The following TASOR2 variants were observed in gnomAD, a reference collection of about 807,000 sequenced individuals.
TASOR2 encodes the protein transcription activation suppressor family member 2, also known as protein TASOR 2.
A neutral mutation model predicts 199.5 loss-of-function variants in TASOR2; 84 were observed. The observed-to-expected ratio is 0.42, with a 90% CI of 0.35 to 0.50. The LOEUF is 0.50. TASOR2 is among the 20% of genes least tolerant of loss of function. The pLI is 0.02. For missense variants in TASOR2, 2,796 were observed against 2,835.9 expected (o/e 0.99, Z 0.32); for synonymous variants, 1,103 against 1,046.6 (o/e 1.05, Z -1.04).
Position 5,748,360 on chromosome 10 carries a change from A to G in TASOR2, c.4939A>G (p.Thr1647Ala), listed in dbSNP as rs762072639. The G allele has an allele frequency of 5.6e-6, 9 of 1,614,260 alleles. No homozygotes were observed. The highest frequency in any genetic ancestry group is 6.8e-6 in the Non-Finnish European group (8 of 1,180,044). ...TGCCTCGGTTGATGGAGCTTATTCT[A>G]CACAGGGATGCATGTGCTCAGTGGT... Residue 1647 changes from threonine (T) to alanine (A), a missense_variant, in exon 15 of 21, where the codon ACA (threonine) becomes GCA (alanine). Physicochemically the swap from Thr to Ala is moderately conservative, Grantham distance 58 (BLOSUM62 0). Around this residue, in one of 3 missense-constraint regions of TASOR2, gnomAD observed 1,941 missense variants for 1,924.9 expected, o/e 1.01. Transcript: ENST00000328090. The surrounding 1 kb of genome is among the most constrained non-coding windows in gnomAD (Gnocchi z 5.1).
rs1377216437 is a variant in TASOR2 at position 5,756,559 on chromosome 10, G to T, written c.6607-54G>T. 6 of 1,583,286 alleles carry T rather than the reference G, an allele frequency of 3.8e-6. No homozygotes were observed. In the Admixed American group the frequency reaches 6.9e-5, roughly 18 times the overall value. ...TTCATTATTTTAATAAACTATACAG[G>T]TAGTTCTGTGGAAGTACCCTTTTTT... On this transcript the variant is annotated intron_variant, in intron 15 of 20. Coordinates refer to ENST00000328090, the Ensembl canonical transcript of TASOR2.
chr10:5,737,258 G>A lies in TASOR2; in HGVS notation c.1447+1712G>A, dbSNP rs1460758296. 2.6e-5 allele frequency among the ~76,000 whole-genome samples: 4 copies of A among 151,682 alleles called. No individual in the cohort carries two copies. ...TGGGATTACAGGTGTGAGCCACCAC[G>A]CCCAGCCAGGTTTGTTTTTTTTAGT... On this transcript the variant is annotated intron_variant, in intron 12 of 20. Transcript: ENST00000328090. The surrounding 1 kb of genome is among the most constrained non-coding windows in gnomAD (Gnocchi z 4.9).
At position 5,706,050 on chromosome 10, in the gene TASOR2, G is replaced by A. The variant is rs760589065; in HGVS notation, c.-287-6773G>A. Among the ~76,000 whole-genome samples, 1 of 152,038 alleles carries A rather than the reference G, an allele frequency of 6.6e-6. No homozygotes were observed. The highest frequency in any genetic ancestry group is 1.5e-5 in the Non-Finnish European group (1 of 67,978). On this transcript the variant is annotated intron_variant, in intron 1 of 20. Transcript: ENST00000328090. The surrounding 1 kb of genome is among the most constrained non-coding windows in gnomAD (Gnocchi z 4.8). The stretch of plus-strand genomic sequence containing the variant: ...GATTCATTTTGAGTTAAATTTTATG[G>A]TTTAAGGTAGAGGTTTGAGGTTCAT...
intron 18 of TASOR2, 105 bp from the exon 20 acceptor site, chr10:5,761,185 G>C: frequency 2.4e-6 from 2 of 845,236 alleles, no homozygotes; most frequent in Non-Finnish European, 3.3e-6. Context: ...ACGTCAAGAA[G>C]AAAGGCAGAG....
intron 17 of TASOR2, among the ~76,000 whole-genome samples, chr10:5,758,027 T>C (rs1839218242): frequency 6.6e-6 from 1 of 152,166 alleles, no homozygotes; most frequent in Admixed American, 6.5e-5. Flanking sequence ...AAGTCAACCT[T>C]CTCCATTTCT....
rs1324555891 is a variant in TASOR2, at chr10:5,685,775, A to T, written c.-288+600A>T. On this transcript the variant is annotated intron_variant, in intron 1 of 20. Coordinates refer to ENST00000328090, the Ensembl canonical transcript of TASOR2. The surrounding 1 kb of genome is among the most constrained non-coding windows in gnomAD (Gnocchi z 5.4). ...GATGACTGAAATTTTGAGGAAGATT[A>T]CTTTGGGAATTCTCAAGTTTCTCTT... Among the ~76,000 whole-genome samples the T allele has an allele frequency of 6.6e-6, 1 of 152,196 alleles. No individual in the cohort carries two copies. Among genetic ancestry groups the T allele is most frequent in the Non-Finnish European group, 1.5e-5 (1 of 68,028 alleles).
intron 14 of TASOR2, among the ~76,000 whole-genome samples, chr10:5,744,317 T>TGTTTG: frequency 6.9e-6 from 1 of 145,952 alleles, no homozygotes; most frequent in Non-Finnish European, 1.5e-5. Flanking sequence ...TGTTTTGTTT[T>TGTTTG]GTTTTGAGAA....
At chr10:5,715,235 A>ATTT (rs1564283178) in intron 2 of TASOR2, among the ~76,000 whole-genome samples, 7 of 129,690 alleles carry the variant, frequency 5.4e-5, no homozygotes, top group South Asian at 2.6e-4. Context: ...TTTTTTTTTA[A>ATTT]AAAAAAACTG....
intron 15 of TASOR2, among the ~76,000 whole-genome samples, chr10:5,755,259 T>C (rs1838761521): frequency 6.6e-6 from 1 of 152,004 alleles, no homozygotes. Flanking sequence ...TGAATTGAAA[T>C]AGTCAGAATT....
chr10:5,756,578 CT>C (rs35436630), intron 15 of TASOR2, 34 bp from the exon 17 acceptor site: 9 of 1,606,492 alleles, frequency 5.6e-6, no homozygotes, highest in African/African-American at 4.0e-5. Context: ...TGGAAGTACC[CT>C]TTTTTTAATA....
intron 2 of TASOR2, 61 bp from the exon 3 acceptor site, chr10:5,714,074 A>T: frequency 1.2e-6 from 1 of 842,626 alleles, no homozygotes; most frequent in Non-Finnish European, 1.6e-6. Context: ...AAAAAACCTT[A>T]CAGATTATAG....
rs57228390 is a variant in TASOR2 at position 5,762,511 on chromosome 10, GTT to G, written c.7175-7_7175-6del. 871 of 587,124 alleles carry G rather than the reference GTT, an allele frequency of 1.5e-3. 7 individuals carry two copies. The highest frequency in any genetic ancestry group is 0.013 in the South Asian group (386 of 29,516). The allele number at this position is 587,124 out of a possible 1,614,324, so 36.4% of individuals were successfully genotyped here. ...ACATTAATTATATTAACCAAAAGTT[GTT>G]TTTTTTTTTTTTTAACAGACAAGCC... is the stretch of plus-strand genomic sequence containing the variant. On this transcript the variant is annotated intron_variant, in intron 19 of 20. Transcript: ENST00000328090.
chr10:5,731,029 A>G, exon 11 of TASOR2: 2 of 1,614,148 alleles, frequency 1.2e-6, no homozygotes, highest in African/African-American at 1.3e-5. Context: ...TCCAGCGTCA[A>G]ATCTGAGAGT....
exon 15 of TASOR2, chr10:5,747,516 A>G: frequency 6.2e-7 from 1 of 1,614,112 alleles, no homozygotes; most frequent in East Asian, 2.2e-5. Context: ...ATAATTTACA[A>G]CCAGTTACTT....
chr10:5,703,685 A>T (rs1264657168), intron 1 of TASOR2, among the ~76,000 whole-genome samples: 3 of 151,122 alleles, frequency 2.0e-5, no homozygotes, highest in Non-Finnish European at 4.4e-5. Flanking sequence ...TTGTATTTTT[A>T]GTAGAGACGG....
At chr10:5,760,537 AT>A (rs1156277190) in intron 18 of TASOR2, among the ~76,000 whole-genome samples, 1 of 152,200 alleles carries the variant, frequency 6.6e-6, no homozygotes, top group African/African-American at 2.4e-5. Flanking sequence ...ACAGTTAAAT[AT>A]TTTAAAGTTT....
In TASOR2 at chr10:5,748,963, TCTTATA is replaced by T; in HGVS notation, c.5546_5551del (p.Tyr1849_Thr1850del). On this transcript the variant is annotated inframe_deletion, in exon 15 of 21. Transcript: ENST00000328090. The surrounding 1 kb of genome is among the most constrained non-coding windows in gnomAD (Gnocchi z 5.1). ...AAATCCCAGACTGGATTTGGAGGAT[TCTTATA>T]CTTTAAGAGGTAGTTACACCAGGAA... 6.2e-7 allele frequency: 1 copy of T among 1,614,096 alleles called. No homozygotes were observed. The highest frequency in any genetic ancestry group is 8.5e-7 in the Non-Finnish European group (1 of 1,180,036).
chr10:5,712,500 T>G (rs1339658115), intron 1 of TASOR2: 2 of 1,231,768 alleles, frequency 1.6e-6, no homozygotes, highest in Non-Finnish European at 2.0e-6. Context: ...TTCAGTACAG[T>G]CAAGTGACTT....
intron 1 of TASOR2, among the ~76,000 whole-genome samples, chr10:5,707,779 T>C (rs2131538324): frequency 7.2e-6 from 1 of 139,188 alleles, no homozygotes. Context: ...CACACACTTC[T>C]TCTGAACCAT....
Sources: gnomAD v4.1 joint callset for allele counts (sites outside exome capture counted in the v4.1 genomes callset) on GRCh38, gnomAD v4.1.1 for gene constraint, gnomAD v4.1.1 regional missense constraint, Gnocchi (gnomAD v3.1) non-coding constraint, MANE v1.5 for transcripts, NCBI Gene and HGNC (gene_info 2026-07-23, HGNC 2026-07-21) for gene names.